The following HECTD4 variants were observed in gnomAD, a reference collection of about 807,000 sequenced individuals.
HECTD4 encodes the protein probable E3 ubiquitin-protein ligase HECTD4.
HECTD4 carries 114 observed loss-of-function variants against 471.5 expected under a neutral mutation model. The ratio of observed to expected loss-of-function variants is 0.24; its 90% confidence interval spans 0.21 to 0.28. HECTD4 has a LOEUF of 0.28. HECTD4 is among the 10% of genes least tolerant of loss of function. The probability of loss-of-function intolerance (pLI) is 1.00; values close to 1 mark genes in which losing one functional copy is unlikely to be tolerated. For missense variants in HECTD4, 3,866 were observed against 5,651.5 expected (o/e 0.68, Z 10.13); for synonymous variants, 2,012 against 2,256.0 (o/e 0.89, Z 3.07).
intron 49 of HECTD4, among the ~76,000 whole-genome samples, chr12:112,211,692 A>T (rs1363028150): frequency 6.6e-6 from 1 of 152,174 alleles, no homozygotes; most frequent in Non-Finnish European, 1.5e-5. Flanking sequence ...TGAAGGTTAG[A>T]ACCAAGATCT....
At chr12:112,263,981 G>C in intron 17 of HECTD4, 103 bp downstream of exon 17, 2 of 1,122,728 alleles carry the variant, frequency 1.8e-6, no homozygotes, top group Non-Finnish European at 2.4e-6. Flanking sequence ...AAGAATATAA[G>C]CCACAAGGTG....
chr12:112,369,108 T>C (rs2036619815), intron 1 of HECTD4, among the ~76,000 whole-genome samples: 2 of 152,112 alleles, frequency 1.3e-5, no homozygotes, highest in Non-Finnish European at 2.9e-5. Flanking sequence ...AGACATGGTC[T>C]CTGTATTAAC....
intron 28 of HECTD4, 140 bp downstream of exon 28, chr12:112,247,322 A>G (rs1455573406): frequency 2.4e-5 from 16 of 673,566 alleles, no homozygotes; most frequent in Non-Finnish European, 3.8e-5. Context: ...AAAATTTCCA[A>G]TTTACCAAAT....
Position 112,270,366 on chromosome 12 carries a change from G to T in HECTD4, c.2036C>A (p.Pro679His), listed in dbSNP as rs2034388720. The T allele has an allele frequency of 5.6e-6, 9 of 1,613,988 alleles. No homozygotes were observed. The highest frequency in any genetic ancestry group is 7.6e-6 in the Non-Finnish European group (9 of 1,179,898). ...CAAGACACTTGTGATTGGAAGATTGGGGTTGGTGGCAAGAAGATTGAGTTG... is the reference window on the plus strand; with the variant it reads ...CAAGACACTTGTGATTGGAAGATTGTGGTTGGTGGCAAGAAGATTGAGTTG... ...IHQLNLLATN[P>H]NLPITSVLGK... is the part of the protein sequence containing the mutation. The change falls in exon 12 of 76, where the codon CCC becomes CAC. Residue 679 changes from proline (P) to histidine (H), a missense_variant. Around this residue, in one of 16 missense-constraint regions of HECTD4, gnomAD observed 525 missense variants for 672.6 expected, o/e 0.78. Transcript: ENST00000682272.
At chr12:112,294,400 G>C (rs1161653278) in intron 7 of HECTD4, among the ~76,000 whole-genome samples, 3 of 152,066 alleles carry the variant, frequency 2.0e-5, no homozygotes, top group Non-Finnish European at 4.4e-5. Flanking sequence ...AAAGTTTTTT[G>C]CCTGGTTTGG....
intron 19 of HECTD4, chr12:112,258,878 G>C: frequency 3.6e-6 from 2 of 562,674 alleles, no homozygotes; most frequent in South Asian, 2.6e-5. Flanking sequence ...TTTTATAGCT[G>C]ATCAGCCATG....
At chr12:112,219,961 C>T (rs2033043388) in intron 44 of HECTD4, among the ~76,000 whole-genome samples, 1 of 152,152 alleles carries the variant, frequency 6.6e-6, no homozygotes, top group African/African-American at 2.4e-5. Flanking sequence ...CGTAGCCCAG[C>T]ATCACAACAA....
rs534067674 is a variant in HECTD4, at chr12:112,265,327, A to G, written c.2499-32T>C. On this transcript the variant is annotated intron_variant, in intron 15 of 75. Coordinates refer to ENST00000682272, the MANE Select transcript of HECTD4 (RefSeq NM_001388303.1). ...AATGCAGGAAAAATGTAACAATAAA[A>G]TATTGATGGTTTATTCATAAAAGGA... 3.6e-6 allele frequency: 5 copies of G among 1,380,158 alleles called. No individual in the cohort carries two copies. The African/African-American group carries it at 7.2e-5, about 20-fold the overall frequency. 85.5% of individuals were successfully genotyped at this position (1,380,158 alleles called of 1,614,324 possible). A position where few individuals can be genotyped will look rare whatever the true frequency, so the allele number is the denominator to read the frequency against.
At chr12:112,169,382 G>A (rs2031121144) in intron 70 of HECTD4, 121 bp downstream of exon 70, 1 of 1,143,178 alleles carries the variant, frequency 8.7e-7, no homozygotes, top group African/African-American at 1.6e-5. Flanking sequence ...CCTGGCTTCT[G>A]CAGCACAAGT....
chr12:112,216,245 G>C (rs568013608), intron 48 of HECTD4, 47 bp downstream of exon 48: 1 of 1,302,732 alleles, frequency 7.7e-7, no homozygotes, highest in South Asian at 1.3e-5. Context: ...ACCCAAACCT[G>C]AGACCAACAG....
At position 112,184,582 on chromosome 12, in the gene HECTD4, C is replaced by T; in HGVS notation, c.10384G>A (p.Ala3462Thr). Residue 3462 changes from alanine (A) to threonine (T), a missense_variant, in exon 61 of 76, where the codon GCC becomes ACC. Coordinates refer to ENST00000682272, the MANE Select transcript of HECTD4 (RefSeq NM_001388303.1). The surrounding 1 kb of genome is among the most constrained non-coding windows in gnomAD (Gnocchi z 9.1). ...DGKVEPEKTLAFPGTDSMEVS... is the reference protein window; with the variant it reads ...DGKVEPEKTLTFPGTDSMEVS... ...TCCATGCTGTCTGTGCCGGGGAAGG[C>T]CAGTGTCTTCTCGGGCTCAACTTTC... The T allele has an allele frequency of 6.2e-7, 1 of 1,613,798 alleles. No individual in the cohort carries two copies. Among genetic ancestry groups the T allele is most frequent in the South Asian group, 1.1e-5 (1 of 91,078 alleles).
chr12:112,286,944 C>T (rs567700428), intron 7 of HECTD4, among the ~76,000 whole-genome samples: 5 of 152,262 alleles, frequency 3.3e-5, no homozygotes, highest in African/African-American at 1.2e-4. Flanking sequence ...ACTTGCTATT[C>T]CCTCTTGTGC....
chr12:112,381,222 T>C lies in HECTD4; in HGVS notation c.177+730A>G, dbSNP rs2036880833. Among the ~76,000 whole-genome samples the C allele has an allele frequency of 6.6e-6, 1 of 152,072 alleles. No homozygotes were observed. Among genetic ancestry groups the C allele is most frequent in the Admixed American group, 6.5e-5 (1 of 15,276 alleles). ...AAGCAGCTCAACTGATGAGATCTGC[T>C]GTTGCACCTGCCACGGCTCTGAACC... On this transcript the variant is annotated intron_variant, in intron 1 of 75. Transcript: ENST00000682272. The surrounding 1 kb of genome is among the most constrained non-coding windows in gnomAD (Gnocchi z 4.1).
rs2032174962 is a variant in HECTD4 at position 112,194,470 on chromosome 12, C to T, written c.8749+415G>A. On this transcript the variant is annotated intron_variant, in intron 56 of 75. Coordinates refer to ENST00000682272, the MANE Select transcript of HECTD4 (RefSeq NM_001388303.1). This position sits in a 1 kb window ranked among gnomAD's most constrained non-coding sequence, Gnocchi z 4.6. ...AGACACAGCCCTCATGCCAAGGGCA[C>T]ACAGGCTGGCCTTTGGAACAGCCTC... Among the ~76,000 whole-genome samples the T allele has an allele frequency of 6.6e-6, 1 of 152,204 alleles. No individual in the cohort carries two copies. Among genetic ancestry groups the T allele is most frequent in the Non-Finnish European group, 1.5e-5 (1 of 68,042 alleles).
At chr12:112,370,729 G>T (rs2036649797) in intron 1 of HECTD4, among the ~76,000 whole-genome samples, 1 of 152,038 alleles carries the variant, frequency 6.6e-6, no homozygotes, top group South Asian at 2.1e-4. Flanking sequence ...AGGGACTTCA[G>T]TTTTACCTGT....
intron 1 of HECTD4, among the ~76,000 whole-genome samples, chr12:112,326,306 G>A (rs1338199011): frequency 2.6e-5 from 4 of 152,040 alleles, no homozygotes; most frequent in Non-Finnish European, 5.9e-5. Context: ...ACCAGCCTGA[G>A]CAACATGGCA....
intron 18 of HECTD4, among the ~76,000 whole-genome samples, chr12:112,260,186 T>C (rs548124011): frequency 2.0e-5 from 3 of 152,320 alleles, no homozygotes; most frequent in African/African-American, 7.2e-5. Context: ...TTTTGACTCA[T>C]CTAAGTAGGC....
intron 1 of HECTD4, among the ~76,000 whole-genome samples, chr12:112,326,675 C>T (rs961064212): frequency 5.9e-5 from 9 of 152,074 alleles, no homozygotes; most frequent in East Asian, 5.8e-4. Flanking sequence ...GGCATATAGA[C>T]GCTTTTGAAG....
chr12:112,200,646 T>C lies in HECTD4; in HGVS notation c.8559A>G (p.Gln2853=). ...GLVTLDNTNL[Q]IHRELLRCEA... ...GAAGGGCCCAATTGTACCTGTGAAT[T>C]TGAAGGTTGGTATTGTCCAGTGTGA... is the stretch of plus-strand genomic sequence containing the variant. The change falls in exon 55 of 76, where the codon CAA becomes CAG. Residue 2853 remains glutamine, a synonymous_variant. Transcript: ENST00000682272. 1 of 1,609,892 alleles carries C rather than the reference T, an allele frequency of 6.2e-7. No homozygotes were observed. The highest frequency in any genetic ancestry group is 8.5e-7 in the Non-Finnish European group (1 of 1,177,182).
Sources: gnomAD v4.1 joint callset for allele counts (sites outside exome capture counted in the v4.1 genomes callset) on GRCh38, gnomAD v4.1.1 for gene constraint, gnomAD v4.1.1 regional missense constraint, Gnocchi (gnomAD v3.1) non-coding constraint, MANE v1.5 for transcripts, NCBI Gene and HGNC (gene_info 2026-07-23, HGNC 2026-07-21) for gene names.